RPTOR: variants seen among roughly 807,000 people sequenced by gnomAD.
RPTOR encodes the protein regulatory-associated protein of mTOR.
RPTOR carries 21 observed loss-of-function variants against 169.9 expected under a neutral mutation model. That is an observed-to-expected ratio of 0.12 (90% CI 0.09 to 0.18). The LOEUF is 0.18. Ranked by LOEUF, RPTOR falls within the 10% of genes least tolerant of loss-of-function variation. The pLI, the probability that RPTOR is intolerant of heterozygous loss-of-function variation, is 1.00. For missense variants in RPTOR, 1,133 were observed against 1,855.9 expected (o/e 0.61, Z 7.16); for synonymous variants, 732 against 753.2 (o/e 0.97, Z 0.46).
intron 3 of RPTOR, among the ~76,000 whole-genome samples, chr17:80,648,945 C>A (rs375719521): frequency 1.3e-5 from 2 of 152,184 alleles, no homozygotes; most frequent in Non-Finnish European, 2.9e-5. Context: ...ATGTGACTTG[C>A]GCCTCCTTAC....
chr17:80,813,705 GTAAT>G (rs1391220414), intron 7 of RPTOR, among the ~76,000 whole-genome samples: 2 of 152,196 alleles, frequency 1.3e-5, no homozygotes, highest in Non-Finnish European at 2.9e-5. Context: ...ACCTTTGTAA[GTAAT>G]TAATTATTTG....
intron 9 of RPTOR, among the ~76,000 whole-genome samples, chr17:80,837,571 A>G (rs973173509): frequency 6.6e-5 from 10 of 152,236 alleles, no homozygotes; most frequent in East Asian, 3.9e-4. Flanking sequence ...CTGCCAGTAC[A>G]TGGGTTCAAG....
intron 1 of RPTOR, among the ~76,000 whole-genome samples, chr17:80,548,031 C>T (rs181284691): frequency 1.4e-3 from 205 of 151,548 alleles, no homozygotes; most frequent in Middle Eastern, 3.4e-3. Context: ...CACTGTAGTC[C>T]AACACTGCAG....
chr17:80,875,849 A>C (rs1348466790), intron 13 of RPTOR, among the ~76,000 whole-genome samples: 4 of 102,328 alleles, frequency 3.9e-5, no homozygotes, highest in African/African-American at 4.1e-5. Flanking sequence ...TGTGTGTGTC[A>C]CCTGCTGGGT....
intron 7 of RPTOR, among the ~76,000 whole-genome samples, chr17:80,792,750 G>A (rs537478847): frequency 1.3e-5 from 2 of 152,172 alleles, no homozygotes; most frequent in East Asian, 3.9e-4. Context: ...GTTCCCTGAC[G>A]AGACTGCAGT....
chr17:80,886,793 G>C (rs2589129), intron 17 of RPTOR, among the ~76,000 whole-genome samples: 1 of 151,886 alleles, frequency 6.6e-6, no homozygotes, highest in African/African-American at 2.4e-5. Context: ...GTTCGGAGGA[G>C]GTGCTGCCAA....
intron 1 of RPTOR, among the ~76,000 whole-genome samples, chr17:80,585,168 TA>T (rs1224961147): frequency 0.051 from 10 of 196 alleles, no homozygotes; most frequent in East Asian, 0.5. Flanking sequence ...TGCTTTGGTT[TA>T]TTATTATTAT....
intron 1 of RPTOR, chr17:80,602,812 T>G (rs1001288337): frequency 1.5e-6 from 1 of 675,618 alleles, no homozygotes; most frequent in Non-Finnish European, 2.7e-6. Flanking sequence ...GCACGCTTCA[T>G]GAAGCCCACT....
intron 10 of RPTOR, among the ~76,000 whole-genome samples, chr17:80,842,533 C>T (rs186602379): frequency 1.5e-4 from 23 of 152,340 alleles, no homozygotes; most frequent in Admixed American, 9.8e-4. Context: ...AGTCAGTTTA[C>T]ACTCCTGCCT....
intron 7 of RPTOR, among the ~76,000 whole-genome samples, chr17:80,816,217 C>T (rs1286183516): frequency 6.6e-6 from 1 of 152,218 alleles, no homozygotes; most frequent in African/African-American, 2.4e-5. Flanking sequence ...GTAGCGTGAG[C>T]CAGGGCAGAA....
Position 80,892,815 on chromosome 17 carries a change from G to A in RPTOR, c.2188G>A (p.Ala730Thr), listed in dbSNP as rs764999701. The A allele has an allele frequency of 3.7e-6, 6 of 1,614,074 alleles. No individual in the cohort carries two copies. The highest frequency in any genetic ancestry group is 2.7e-5 in the African/African-American group (2 of 74,918). The change falls in exon 19 of 34, where the codon GCC (alanine) becomes ACC (threonine). Residue 730 changes from alanine to threonine, a missense_variant. Transcript: ENST00000306801. ...VSSYGNIRAV[A>T]TARSLNKSLQ... ...CTCCTATGGAAACATCCGTGCTGTC[G>A]CCACAGCCAGGAGCCTCAACAAATC...
chr17:80,870,676 C>A (rs1432406207), intron 13 of RPTOR, among the ~76,000 whole-genome samples: 3 of 152,246 alleles, frequency 2.0e-5, no homozygotes, highest in African/African-American at 7.2e-5. Flanking sequence ...GGGGGCTAGT[C>A]TAGTTAGGAC....
rs2143840203 is a variant in RPTOR at position 80,883,948 on chromosome 17, C to T, written c.1818C>T (p.Ser606=). The change falls in exon 16 of 34, where the codon AGC becomes AGT. Residue 606 remains serine, a synonymous_variant. Coordinates refer to ENST00000306801, the MANE Select transcript of RPTOR (RefSeq NM_020761.3). ...ACAGCGCTCATGAGAAGCTCTACAG[C>T]CTCCTCTCCGACCCCATTCCCGAGG... is the stretch of plus-strand genomic sequence containing the variant. ...VRDSAHEKLY[S]LLSDPIPEVR... The T allele has an allele frequency of 6.2e-7, 1 of 1,612,570 alleles. No homozygotes were observed. The highest frequency in any genetic ancestry group is 8.5e-7 in the Non-Finnish European group (1 of 1,179,544).
chr17:80,881,572 G>A (rs528594336), intron 14 of RPTOR, among the ~76,000 whole-genome samples: 11 of 152,330 alleles, frequency 7.2e-5, no homozygotes, highest in South Asian at 4.1e-4. Context: ...TAATCCCAGC[G>A]CTTTGGGAGG....
At chr17:80,876,824 G>A (rs1361497633) in intron 13 of RPTOR, among the ~76,000 whole-genome samples, 3 of 129,664 alleles carry the variant, frequency 2.3e-5, no homozygotes, top group African/African-American at 3.0e-5. Flanking sequence ...GTCGCCTGCC[G>A]GGTCTTCCAC....
intron 7 of RPTOR, among the ~76,000 whole-genome samples, chr17:80,793,804 T>A (rs943297296): frequency 2.6e-5 from 4 of 152,228 alleles, no homozygotes; most frequent in African/African-American, 9.6e-5. Flanking sequence ...AACAAAAATT[T>A]GTTTTAGGTT....
chr17:80,790,942 G>A (rs951530165), intron 6 of RPTOR, among the ~76,000 whole-genome samples: 3 of 152,162 alleles, frequency 2.0e-5, no homozygotes, highest in Non-Finnish European at 4.4e-5. Context: ...CTCCACACGC[G>A]CTCCTAAGGA....
Position 80,845,629 on chromosome 17 carries a change from C to T in RPTOR, c.1213-844C>T, listed in dbSNP as rs1428341597. Among the ~76,000 whole-genome samples the T allele has an allele frequency of 1.3e-5, 2 of 152,196 alleles. No homozygotes were observed. Among genetic ancestry groups the T allele is most frequent in the African/African-American group, 2.4e-5 (1 of 41,502 alleles). The stretch of plus-strand genomic sequence containing the variant: ...CCTCCAGCAGCCTTTCCCCACCCTC[C>T]GTGCCCCCAGCTGGGTCTTTCTCAC... On this transcript the variant is annotated intron_variant, in intron 10 of 33. Transcript: ENST00000306801. This position sits in a 1 kb window ranked among gnomAD's most constrained non-coding sequence, Gnocchi z 5.4.
rs577961252 is a variant in RPTOR at position 80,850,540 on chromosome 17, G to T, written c.1314+3966G>T. 2.6e-5 allele frequency among the ~76,000 whole-genome samples: 4 copies of T among 152,322 alleles called. No homozygotes were observed. The South Asian group carries it at 8.3e-4, about 32-fold the overall frequency. On this transcript the variant is annotated intron_variant, in intron 11 of 33. Transcript: ENST00000306801. ...TTCTTGTGCCTCAACCTCCAGAGTA[G>T]CTGGGATATCAGGTGTGCACCACCG... is the stretch of plus-strand genomic sequence containing the variant.
Sources: allele counts gnomAD v4.1 joint callset (sites outside exome capture counted in the v4.1 genomes callset), GRCh38; gene constraint gnomAD v4.1.1; non-coding constraint Gnocchi (gnomAD v3.1); transcripts MANE v1.5; gene names NCBI Gene and HGNC (gene_info 2026-07-23, HGNC 2026-07-21).